Variants in DEFB119 observed in about 807,000 individuals in gnomAD.
The protein encoded by DEFB119 is beta-defensin 119.
DEFB119 carries 3 observed loss-of-function variants against 2.5 expected under a neutral mutation model. That is an observed-to-expected ratio of 1.19 (90% CI 0.54 to 3.07). DEFB119 has a LOEUF of 3.07. DEFB119 is among the 30% of genes most tolerant of loss of function. DEFB119 has a pLI of 0.03. For missense variants in DEFB119, 113 were observed against 101.1 expected (o/e 1.12, Z -0.50); for synonymous variants, 29 against 33.7 (o/e 0.86, Z 0.48).
chr20:31,382,732 A>G (rs1209828558), intron 1 of DEFB119, among the ~76,000 whole-genome samples: 1 of 152,168 alleles, frequency 6.6e-6, no homozygotes, highest in Non-Finnish European at 1.5e-5. Flanking sequence ...TTCATTATTC[A>G]TGTTCAAGAA....
intron 1 of DEFB119, among the ~76,000 whole-genome samples, chr20:31,386,031 G>A (rs1477262670): frequency 6.6e-6 from 1 of 152,106 alleles, no homozygotes; most frequent in Non-Finnish European, 1.5e-5. Flanking sequence ...GCAATGTAGG[G>A]GGCAGGAGAG....
intron 1 of DEFB119, among the ~76,000 whole-genome samples, chr20:31,386,815 T>C (rs1398146544): frequency 7.3e-6 from 1 of 137,844 alleles, no homozygotes; most frequent in Admixed American, 7.1e-5. Context: ...TTTTTCTTTT[T>C]TTTTTTTTTT....
At chr20:31,389,142 A>G in intron 1 of DEFB119, 1 of 1,614,252 alleles carries the variant, frequency 6.2e-7, no homozygotes, top group Non-Finnish European at 8.5e-7. Flanking sequence ...GACTAGGAAC[A>G]CAGCACCGTT....
At chr20:31,378,683 A>G (rs1285867682) in intron 1 of DEFB119, among the ~76,000 whole-genome samples, 1 of 152,088 alleles carries the variant, frequency 6.6e-6, no homozygotes, top group African/African-American at 2.4e-5. Context: ...TTCCAGGTCT[A>G]TTAGGAGTTG....
At chr20:31,386,551 C>T (rs1407588638) in intron 1 of DEFB119, among the ~76,000 whole-genome samples, 2 of 152,116 alleles carry the variant, frequency 1.3e-5, no homozygotes, top group African/African-American at 4.8e-5. Context: ...TGAAATAAAC[C>T]AGATACAGAA....
intron 1 of DEFB119, chr20:31,388,139 C>T (rs1489853828): frequency 1.0e-6 from 1 of 985,198 alleles, no homozygotes; most frequent in Non-Finnish European, 1.2e-6. Context: ...TCTCTAGATT[C>T]CCAAACAGGA....
chr20:31,387,713 A>G (rs1986763808), intron 1 of DEFB119, among the ~76,000 whole-genome samples: 1 of 152,096 alleles, frequency 6.6e-6, no homozygotes, highest in African/African-American at 2.4e-5. Context: ...AGGGACCTTG[A>G]GGAAAGGCCC....
chr20:31,385,374 C>A (rs201308659), intron 1 of DEFB119, among the ~76,000 whole-genome samples: 224 of 115,600 alleles, frequency 1.9e-3, no homozygotes, highest in South Asian at 2.8e-3. Context: ...TAACAAAAGA[C>A]AAAAAAAAAA....
At chr20:31,389,037 TA>T in intron 1 of DEFB119, 1 of 1,614,136 alleles carries the variant, frequency 6.2e-7, no homozygotes, top group Non-Finnish European at 8.5e-7. Flanking sequence ...ATCTATTAGT[TA>T]TATTTGTCTT....
At position 31,377,354 on chromosome 20, in the gene DEFB119, G is replaced by T. The variant is rs1375656838; in HGVS notation, c.147C>A (p.Cys49Ter). ...GGAGGCAGCAGGACTGACAATTTCT[G>T]CAATAGAGGTAGGGCTGTTCGTTCT... ...CKKNEQPYLY[C>*]RNCQSCCLQS... The change falls in exon 2 of 2, where the codon TGC (cysteine) becomes TGA (stop). Residue 49 changes from cysteine to a stop codon, truncating the protein, a stop_gained. Coordinates refer to ENST00000376321, the MANE Select transcript of DEFB119 (RefSeq NM_153289.4). LOFTEE classifies it low-confidence loss of function (END_TRUNC). The T allele has an allele frequency of 6.2e-7, 1 of 1,614,146 alleles. No homozygotes were observed.
chr20:31,388,170 G>T, intron 1 of DEFB119: 2 of 984,196 alleles, frequency 2.0e-6, no homozygotes, highest in Non-Finnish European at 2.4e-6. Context: ...TTCCCCATGA[G>T]TGAGTCTTCT....
intron 1 of DEFB119, among the ~76,000 whole-genome samples, chr20:31,387,394 T>C (rs1986747731): frequency 6.6e-6 from 1 of 152,214 alleles, no homozygotes; most frequent in Non-Finnish European, 1.5e-5. Flanking sequence ...AAGGCTACTG[T>C]GTCATGTCCT....
rs761887399 is a variant in DEFB119, at chr20:31,377,334, C to G, written c.167G>C (p.Cys56Ser). Reference protein sequence around the residue: ...YLYCRNCQSCCLQSYMRISIS... With the variant: ...YLYCRNCQSCSLQSYMRISIS... Reference sequence around the variant, plus strand: ...GCTTATCCTCATGTAGGACTGGAGGCAGCAGGACTGACAATTTCTGCAATA... The same window carrying G: ...GCTTATCCTCATGTAGGACTGGAGGGAGCAGGACTGACAATTTCTGCAATA... The change falls in exon 2 of 2, where the codon TGC (cysteine) becomes TCC (serine). Residue 56 changes from cysteine to serine, a missense_variant. Physicochemically the swap from Cys to Ser is moderately radical, Grantham distance 112. Coordinates refer to ENST00000376321, the MANE Select transcript of DEFB119 (RefSeq NM_153289.4). The G allele has an allele frequency of 1.9e-6, 3 of 1,614,142 alleles. No homozygotes were observed. The highest frequency in any genetic ancestry group is 2.5e-6 in the Non-Finnish European group (3 of 1,180,026).
chr20:31,381,053 T>C (rs1301881170), intron 1 of DEFB119, among the ~76,000 whole-genome samples: 1 of 152,214 alleles, frequency 6.6e-6, no homozygotes, highest in Non-Finnish European at 1.5e-5. Context: ...GATAGGAAGA[T>C]GGTGTGCCTC....
At position 31,386,914 on chromosome 20, in the gene DEFB119, C is replaced by T. The variant is rs561483951; in HGVS notation, c.61+3509G>A. On this transcript the variant is annotated intron_variant, in intron 1 of 1. Transcript: ENST00000376321. ...CTGCAAGCTCCGCCTCCCGGGTTCA[C>T]GCCATTCTCCTGCCTCAGCCTCCCA... Among the ~76,000 whole-genome samples the T allele has an allele frequency of 1.8e-3, 271 of 148,188 alleles. 2 individuals carry two copies. Among genetic ancestry groups the T allele is most frequent in the African/African-American group, 6.6e-3 (260 of 39,600 alleles).
chr20:31,377,187 A>T lies in DEFB119; in HGVS notation c.*59T>A. 2 of 1,492,512 alleles carry T rather than the reference A, an allele frequency of 1.3e-6. No homozygotes were observed. The highest frequency in any genetic ancestry group is 9.0e-7 in the Non-Finnish European group (1 of 1,110,760). The allele number at this position is 1,492,512 out of a possible 1,614,324, so 92.5% of individuals were successfully genotyped here. A position where few individuals can be genotyped will look rare whatever the true frequency, so the allele number is the denominator to read the frequency against. On this transcript the variant is annotated 3_prime_UTR_variant, in exon 2 of 2. Coordinates refer to ENST00000376321, the MANE Select transcript of DEFB119 (RefSeq NM_153289.4). ...GGTAGCAGGCACATGAATTTTAATG[A>T]GGGGGGTTGACAGCAGGTCTCTGTG...
intron 1 of DEFB119, among the ~76,000 whole-genome samples, chr20:31,385,947 T>C (rs779865591): frequency 9.3e-5 from 14 of 151,166 alleles, no homozygotes; most frequent in Admixed American, 2.0e-4. Flanking sequence ...AACTGAGCTA[T>C]GAAGGATGAG....
intron 1 of DEFB119, among the ~76,000 whole-genome samples, chr20:31,387,718 A>G (rs1438987350): frequency 6.6e-6 from 1 of 152,138 alleles, no homozygotes; most frequent in African/African-American, 2.4e-5. Context: ...CCTTGAGGAA[A>G]GGCCCCTGCA....
intron 1 of DEFB119, among the ~76,000 whole-genome samples, chr20:31,382,101 C>T (rs571068191): frequency 1.3e-5 from 2 of 152,266 alleles, no homozygotes; most frequent in Admixed American, 1.3e-4. Flanking sequence ...GAAGTATACA[C>T]ATATATTGAA....
Sources: allele counts gnomAD v4.1 joint callset (sites outside exome capture counted in the v4.1 genomes callset), GRCh38; gene constraint gnomAD v4.1.1; transcripts MANE v1.5; gene names NCBI Gene and HGNC (gene_info 2026-07-23, HGNC 2026-07-21).